The following RBFOX3 variants were observed in gnomAD, a reference collection of about 807,000 sequenced individuals.
RBFOX3 encodes the protein RNA binding protein fox-1 homolog 3.
Under a neutral mutation model 48.7 loss-of-function variants are expected in RBFOX3, and 17 were observed. The ratio of observed to expected loss-of-function variants is 0.35; its 90% CI spans 0.24 to 0.52. The LOEUF (loss-of-function observed/expected upper bound fraction) is 0.52. Among genes scored for constraint, RBFOX3 ranks in the 20% least tolerant of loss-of-function variants. RBFOX3 has a pLI of 0.94. For synonymous variants in RBFOX3, 212 were observed against 209.5 expected (o/e 1.01, Z -0.10); for missense variants, 382 against 497.5 (o/e 0.77, Z 2.21).
intron 2 of RBFOX3, among the ~76,000 whole-genome samples, chr17:79,413,146 A>C (rs543796641): frequency 2.6e-4 from 39 of 152,276 alleles, no homozygotes; most frequent in Non-Finnish European, 4.7e-4. Context: ...AAATTTCTGA[A>C]ATGCAAGAGA....
intron 2 of RBFOX3, among the ~76,000 whole-genome samples, chr17:79,478,947 C>A (rs1193900327): frequency 2.6e-5 from 4 of 152,194 alleles, no homozygotes; most frequent in African/African-American, 9.7e-5. Flanking sequence ...AGGGCTGAGG[C>A]AATGTCCTAG....
chr17:79,470,140 G>A (rs372317182), intron 2 of RBFOX3, among the ~76,000 whole-genome samples: 7 of 152,228 alleles, frequency 4.6e-5, no homozygotes, highest in South Asian at 2.1e-4. Context: ...CCCTGGCCCC[G>A]ATCCAGACCC....
At chr17:79,344,091 A>G (rs1377724825) in intron 2 of RBFOX3, among the ~76,000 whole-genome samples, 1 of 152,220 alleles carries the variant, frequency 6.6e-6, no homozygotes, top group Non-Finnish European at 1.5e-5. Context: ...AGTGTGGGCT[A>G]CATGCACCCC....
intron 3 of RBFOX3, among the ~76,000 whole-genome samples, chr17:79,272,843 A>G (rs973947548): frequency 3.9e-5 from 6 of 151,914 alleles, no homozygotes; most frequent in African/African-American, 1.5e-4. Context: ...CCCTTTCCCA[A>G]CATCTTTCTC....
intron 2 of RBFOX3, among the ~76,000 whole-genome samples, chr17:79,388,793 G>T (rs903486755): frequency 1.8e-4 from 28 of 152,178 alleles, no homozygotes; most frequent in African/African-American, 6.3e-4. Flanking sequence ...CTCTCGCCAA[G>T]CATCACTCAC....
chr17:79,637,932 C>T, the RBFOX3 span, among the ~76,000 whole-genome samples: 1 of 151,990 alleles, frequency 6.6e-6, no homozygotes, highest in Non-Finnish European at 1.5e-5. Flanking sequence ...AAATCAATAA[C>T]AATAAGAAAA....
chr17:79,596,565 A>G, intron 1 of RBFOX3, among the ~76,000 whole-genome samples: 1 of 152,292 alleles, frequency 6.6e-6, no homozygotes, highest in Admixed American at 6.5e-5. Context: ...TGAGCCACAA[A>G]GGCCCCTGCC....
rs35846363 is a variant in RBFOX3, at chr17:79,423,682, C to T, written c.-175+58772G>A. ...TGCCCCCCCGACCACCCCGTGCCCACAGACAAGGTCAGCTCAATACATACT... is the reference window on the plus strand; with the variant it reads ...TGCCCCCCCGACCACCCCGTGCCCATAGACAAGGTCAGCTCAATACATACT... On this transcript the variant is annotated intron_variant, in intron 2 of 14. Coordinates refer to ENST00000693108, the MANE Select transcript of RBFOX3 (RefSeq NM_001350451.2). The surrounding 1 kb of genome is among the most constrained non-coding windows in gnomAD (Gnocchi z 4.9). 0.3 allele frequency: 46,594 copies of T among 153,240 alleles called. 7,217 individuals are homozygous for T. The highest frequency in any genetic ancestry group is 0.37 in the Middle Eastern group (110 of 296). 9.5% of individuals were successfully genotyped at this position (153,240 alleles called of 1,614,324 possible).
At chr17:79,269,317 G>A (rs2067262325) in intron 3 of RBFOX3, among the ~76,000 whole-genome samples, 1 of 152,170 alleles carries the variant, frequency 6.6e-6, no homozygotes, top group South Asian at 2.1e-4. Flanking sequence ...CCAGAACTGG[G>A]AGAGGAGGCA....
At chr17:79,601,256 CGG>C (rs2093699155) in intron 1 of RBFOX3, 2 of 152,210 alleles carry the variant, frequency 1.3e-5, no homozygotes, top group African/African-American at 4.8e-5. Context: ...GAGCCCGCTG[CGG>C]GGGATACTGA....
At chr17:79,124,209 C>T (rs144656904) in intron 4 of RBFOX3, among the ~76,000 whole-genome samples, 123 of 152,306 alleles carry the variant, frequency 8.1e-4, no homozygotes, top group African/African-American at 2.7e-3. Context: ...AAAGGCTGCA[C>T]ATCACACATA....
At chr17:79,231,114 C>G (rs2060986949) in intron 4 of RBFOX3, among the ~76,000 whole-genome samples, 1 of 152,116 alleles carries the variant, frequency 6.6e-6, no homozygotes, top group South Asian at 2.1e-4. Flanking sequence ...CTGGTGTACT[C>G]CCTGAGTTGA....
chr17:79,587,957 T>G, intron 1 of RBFOX3, among the ~76,000 whole-genome samples: 1 of 152,284 alleles, frequency 6.6e-6, no homozygotes, highest in East Asian at 1.9e-4. Context: ...CCACCTCAGC[T>G]TCCTGAATAG....
At chr17:79,379,437 C>T (rs1367146360) in intron 2 of RBFOX3, among the ~76,000 whole-genome samples, 1 of 152,292 alleles carries the variant, frequency 6.6e-6, no homozygotes, top group East Asian at 1.9e-4. Context: ...GGTCCTCCCT[C>T]GTTCACCTAA....
At chr17:79,621,325 G>T in the RBFOX3 span, among the ~76,000 whole-genome samples, 1 of 152,088 alleles carries the variant, frequency 6.6e-6, no homozygotes, top group Admixed American at 6.5e-5. Context: ...TTATCCCAAA[G>T]TTGAAACCCA....
rs2078411793 is a variant in RBFOX3 at position 79,479,170 on chromosome 17, C to T, written c.-175+3284G>A. On this transcript the variant is annotated intron_variant, in intron 2 of 14. Transcript: ENST00000693108. This position sits in a 1 kb window ranked among gnomAD's most constrained non-coding sequence, Gnocchi z 5.1. The stretch of plus-strand genomic sequence containing the variant: ...CTCTTAGGAAGCCCCTTCCTCTAGT[C>T]ACATTCCTTTGGGCCATGGACGGCA... Among the ~76,000 whole-genome samples, 1 of 152,232 alleles carries T rather than the reference C, an allele frequency of 6.6e-6. No homozygotes were observed. Among genetic ancestry groups the T allele is most frequent in the African/African-American group, 2.4e-5 (1 of 41,464 alleles).
At chr17:79,275,123 C>CCTCTCTCTCTCTCTCTCTCTCT (rs368963249) in intron 3 of RBFOX3, among the ~76,000 whole-genome samples, 8 of 130,656 alleles carry the variant, frequency 6.1e-5, no homozygotes, top group Non-Finnish European at 8.1e-5. Flanking sequence ...TCCATGTCTC[C>CCTCTCTCTCTCTCTCTCTCTCT]CTCTCTCTCT....
rs144409467 is a variant in RBFOX3 at position 79,151,141 on chromosome 17, C to T, written c.-33-35393G>A. On this transcript the variant is annotated intron_variant, in intron 4 of 14. Coordinates refer to ENST00000693108, the MANE Select transcript of RBFOX3 (RefSeq NM_001350451.2). ...GCGCAGATTCTGGGTTTGATCCTCG[C>T]GCTGCTCCCCCTACTCGGGGCAAGC... 2.9e-3 allele frequency among the ~76,000 whole-genome samples: 447 copies of T among 152,168 alleles called. 5 individuals are homozygous for T. The highest frequency in any genetic ancestry group is 1.1e-3 in the Non-Finnish European group (76 of 68,014).
chr17:79,359,634 CAG>C (rs529187840), intron 2 of RBFOX3, among the ~76,000 whole-genome samples: 9 of 152,156 alleles, frequency 5.9e-5, no homozygotes, highest in Non-Finnish European at 1.2e-4. Flanking sequence ...CCGACTAAGG[CAG>C]GACCATAGGA....
Sources: allele counts gnomAD v4.1 joint callset (sites outside exome capture counted in the v4.1 genomes callset), GRCh38; gene constraint gnomAD v4.1.1; non-coding constraint Gnocchi (gnomAD v3.1); transcripts MANE v1.5; gene names NCBI Gene and HGNC (gene_info 2026-07-23, HGNC 2026-07-21).